The following RHD variants were observed in gnomAD, a reference collection of about 807,000 sequenced individuals.
The protein encoded by RHD is Rh blood group D antigen.
Under a neutral mutation model 45.5 loss-of-function variants are expected in RHD, and 16 were observed. The observed-to-expected ratio is 0.35, with a 90% CI of 0.24 to 0.53. The LOEUF is 0.53. RHD is among the 20% of genes least tolerant of loss of function. The pLI is 0.92. For synonymous variants in RHD, 131 were observed against 217.5 expected (o/e 0.60, Z 3.50); for missense variants, 306 against 532.0 (o/e 0.58, Z 4.18).
At position 25,312,920 on chromosome 1, in the gene RHD, TAAAAAAAAAAAAAAAAAAA is replaced by T. The variant is rs58027687; in HGVS notation, c.1074-4063_1074-4045del. On this transcript the variant is annotated intron_variant, in intron 7 of 9. Transcript: ENST00000328664. ...GGATGATAGAGCAAAATCCCATCTC[TAAAAAAAAAAAAAAAAAAA>T]AAAAAAAAAAAAAAAACTTTAGTGC... Among the ~76,000 whole-genome samples the T allele has an allele frequency of 6.0e-3, 41 of 6,856 alleles. 9 individuals are homozygous for T. The highest frequency in any genetic ancestry group is 0.25 in the Middle Eastern group (2 of 8). 4.5% of individuals were successfully genotyped at this position (6,856 alleles called of 152,430 possible).
intron 3 of RHD, among the ~76,000 whole-genome samples, chr1:25,297,825 G>A (rs1392227900): frequency 7.6e-6 from 1 of 131,832 alleles, no homozygotes; most frequent in African/African-American, 2.6e-5. Flanking sequence ...TATCTGTGTA[G>A]TATGGACAGT....
chr1:25,319,648 A>G lies in RHD; in HGVS notation c.1154-2241A>G, dbSNP rs1285054954. Among the ~76,000 whole-genome samples, 12 of 132,308 alleles carry G rather than the reference A, an allele frequency of 9.1e-5. 5 individuals carry two copies. Among genetic ancestry groups the G allele is most frequent in the African/African-American group, 1.5e-4 (6 of 38,838 alleles). 86.8% of individuals were successfully genotyped at this position (132,308 alleles called of 152,430 possible). ...AACAACTTGGACAATGGAAGGGGGA[A>G]AAAGTTCCTCAAGCAGCCAAAATTG... On this transcript the variant is annotated intron_variant, in intron 8 of 9. Coordinates refer to ENST00000328664, the MANE Select transcript of RHD (RefSeq NM_016124.6).
At chr1:25,312,944 A>AAAAAAAAAG (rs1644237572) in intron 7 of RHD, among the ~76,000 whole-genome samples, 1 of 109,944 alleles carries the variant, frequency 9.1e-6, no homozygotes, top group South Asian at 2.8e-4. Context: ...AAAAAAAAAA[A>AAAAAAAAAG]AAAAAAAAAA....
intron 1 of RHD, among the ~76,000 whole-genome samples, chr1:25,278,353 G>A (rs1233901290): frequency 7.7e-6 from 1 of 130,260 alleles, no homozygotes; most frequent in Non-Finnish European, 1.8e-5. Flanking sequence ...GATATGCTTA[G>A]GGGAAGCAGA....
At chr1:25,293,433 G>A (rs1191990740) in intron 3 of RHD, among the ~76,000 whole-genome samples, 4 of 129,678 alleles carry the variant, frequency 3.1e-5, no homozygotes, top group East Asian at 3.9e-4. Flanking sequence ...CCCATTGTGC[G>A]GAAATAACAA....
rs1485927519 is a variant in RHD, at chr1:25,306,131, C to T, written c.940-465C>T. Among the ~76,000 whole-genome samples, 6 of 131,384 alleles carry T rather than the reference C, an allele frequency of 4.6e-5. 1 individual carries two copies. Among genetic ancestry groups the T allele is most frequent in the Admixed American group, 1.5e-4 (2 of 13,554 alleles). 86.2% of individuals were successfully genotyped at this position (131,384 alleles called of 152,430 possible). A position where few individuals can be genotyped will look rare whatever the true frequency, so the allele number is the denominator to read the frequency against. ...GGGCTAGACCAGTGGGTCTTGGTCA[C>T]CCCCCAGGGGACATCTTACAATGTC... On this transcript the variant is annotated intron_variant, in intron 6 of 9. Transcript: ENST00000328664.
chr1:25,312,931 A>AG (rs1644232147), intron 7 of RHD, among the ~76,000 whole-genome samples: 1 of 90,584 alleles, frequency 1.1e-5, no homozygotes, highest in African/African-American at 3.5e-5. Flanking sequence ...AAAAAAAAAA[A>AG]AAAAAAAAAA....
intron 2 of RHD, among the ~76,000 whole-genome samples, chr1:25,286,894 ACC>A: frequency 7.4e-6 from 1 of 134,624 alleles, no homozygotes; most frequent in East Asian, 1.9e-4. Flanking sequence ...GGAGTCCGAG[ACC>A]AACCTGAGCA....
intron 7 of RHD, among the ~76,000 whole-genome samples, chr1:25,313,299 C>G (rs1381321376): frequency 7.6e-6 from 1 of 131,906 alleles, no homozygotes; most frequent in Non-Finnish European, 1.8e-5. Context: ...CTTGGACTTC[C>G]CAGCCTCCAG....
In RHD at chr1:25,290,756, G is replaced by C. The variant is rs1384532168; in HGVS notation, c.451G>C (p.Gly151Arg). ...GGTGCTGGTGGAGGTGACAGCTTTAGGCAACCTGAGGATGGTCATCAGTAA... is the reference window on the plus strand; with the variant it reads ...GGTGCTGGTGGAGGTGACAGCTTTACGCAACCTGAGGATGGTCATCAGTAA... ...VMVLVEVTAL[G>R]NLRMVISNIF... is the part of the protein sequence containing the mutation. The change falls in exon 3 of 10, where the codon GGC (glycine) becomes CGC (arginine). Residue 151 changes from glycine (G) to arginine (R), a missense_variant. Transcript: ENST00000328664. 6 of 1,377,420 alleles carry C rather than the reference G, an allele frequency of 4.4e-6. 1 individual carries two copies. The African/African-American group carries it at 7.1e-5, about 16-fold the overall frequency. 85.3% of individuals were successfully genotyped at this position (1,377,420 alleles called of 1,614,324 possible).
At chr1:25,294,412 C>A in intron 3 of RHD, 1 of 731,748 alleles carries the variant, frequency 1.4e-6, no homozygotes, top group Non-Finnish European at 2.5e-6. Context: ...GGAAGCAGAC[C>A]CGGGAGCAAA....
intron 3 of RHD, among the ~76,000 whole-genome samples, chr1:25,298,650 A>G (rs538625457): frequency 7.6e-6 from 1 of 131,928 alleles, no homozygotes; most frequent in South Asian, 2.3e-4. Context: ...CTCTTTATGT[A>G]TGACTGAGGG....
rs1257304659 is a variant in RHD, at chr1:25,295,738, C to T, written c.486+4947C>T. Among the ~76,000 whole-genome samples the T allele has an allele frequency of 4.7e-5, 5 of 107,212 alleles. 1 individual carries two copies. Among genetic ancestry groups the T allele is most frequent in the Non-Finnish European group, 1.1e-4 (5 of 44,816 alleles). 70.3% of individuals were successfully genotyped at this position (107,212 alleles called of 152,430 possible). A position where few individuals can be genotyped will look rare whatever the true frequency, so the allele number is the denominator to read the frequency against. ...ACATCATCAGTGACCAAGAGGCGGC[C>T]GGGAGGCTGAGACCACAGCAAGAAA... On this transcript the variant is annotated intron_variant, in intron 3 of 9. Coordinates refer to ENST00000328664, the MANE Select transcript of RHD (RefSeq NM_016124.6).
chr1:25,276,526 C>CA (rs1275555633), intron 1 of RHD, among the ~76,000 whole-genome samples: 1 of 35,916 alleles, frequency 2.8e-5, no homozygotes, highest in African/African-American at 1.0e-4. Flanking sequence ...GACCCCCCCC[C>CA]ATCTCTAAAA....
chr1:25,305,393 TTTATTTA>T (rs1643726133), intron 6 of RHD, among the ~76,000 whole-genome samples: 1 of 125,808 alleles, frequency 7.9e-6, no homozygotes, highest in South Asian at 2.4e-4. Context: ...TATTTATTTA[TTTATTTA>T]TTTATTTATT....
chr1:25,277,061 C>T (rs1212799203), intron 1 of RHD, among the ~76,000 whole-genome samples: 1 of 130,932 alleles, frequency 7.6e-6, no homozygotes, highest in African/African-American at 2.6e-5. Context: ...AGCGAGACTC[C>T]GTCTAAAAAA....
At chr1:25,307,920 C>T (rs1643937308) in intron 7 of RHD, 2 of 926,192 alleles carry the variant, frequency 2.2e-6, no homozygotes, top group African/African-American at 3.3e-5. Context: ...AATAACTGTG[C>T]AATTCTAAGC....
chr1:25,289,937 G>A (rs1175078867), intron 2 of RHD, among the ~76,000 whole-genome samples: 2 of 130,464 alleles, frequency 1.5e-5, no homozygotes, highest in South Asian at 2.4e-4. Flanking sequence ...TAAGGCTAGC[G>A]TCTTTTCAGA....
intron 7 of RHD, among the ~76,000 whole-genome samples, chr1:25,311,235 C>G (rs539180730): frequency 3.8e-5 from 5 of 132,586 alleles, no homozygotes; most frequent in African/African-American, 1.3e-4. Context: ...CTTAGCTGAA[C>G]TTTTTCTGTG....
Sources: gnomAD v4.1 joint callset for allele counts (sites outside exome capture counted in the v4.1 genomes callset) on GRCh38, gnomAD v4.1.1 for gene constraint, MANE v1.5 for transcripts, NCBI Gene and HGNC (gene_info 2026-07-23, HGNC 2026-07-21) for gene names.